CTNNA2: variants seen among roughly 807,000 people sequenced by gnomAD.
The protein encoded by CTNNA2 is catenin alpha-2.
A neutral mutation model predicts 101.0 loss-of-function variants in CTNNA2; 42 were observed. The ratio of observed to expected loss-of-function variants is 0.42; its 90% CI spans 0.32 to 0.54. CTNNA2 has a LOEUF of 0.54. CTNNA2 is among the 20% of genes least tolerant of loss of function. The pLI, the probability that CTNNA2 is intolerant of heterozygous loss-of-function variation, is 0.14. For missense variants in CTNNA2, 871 were observed against 1,223.1 expected, an observed-to-expected ratio of 0.71 and a Z score of 4.29; for synonymous variants, 450 against 456.4, an observed-to-expected ratio of 0.99 and a Z score of 0.18.
At chr2:79,327,152 T>C (rs1676765836) in intron 3 of CTNNA2, among the ~76,000 whole-genome samples, 3 of 152,208 alleles carry the variant, frequency 2.0e-5, no homozygotes, top group Non-Finnish European at 4.4e-5. Flanking sequence ...TCTACTATCT[T>C]TGGTAGCCTG....
At chr2:80,136,307 C>T (rs78598997) in intron 7 of CTNNA2, among the ~76,000 whole-genome samples, 2,141 of 152,240 alleles carry the variant, frequency 0.014, 25 homozygotes, top group Middle Eastern at 0.048. Flanking sequence ...AAGTACTCAA[C>T]CTCTCAGCCT....
rs775867046 is a variant in CTNNA2 at position 79,744,367 on chromosome 2, GT to G, written c.103-17del. On this transcript the variant is annotated intron_variant, in intron 2 of 18. Coordinates refer to ENST00000402739, the MANE Select transcript of CTNNA2 (RefSeq NM_001282597.3). ...GACAGTTTTGCAAAGAAGTTTTACAGTTTCTCTTTTATATTTAAGGTGACTA... is the reference window on the plus strand; with the variant it reads ...GACAGTTTTGCAAAGAAGTTTTACAGTTCTCTTTTATATTTAAGGTGACTA... 1 of 1,575,652 alleles carries G rather than the reference GT, an allele frequency of 6.3e-7. No homozygotes were observed. The highest frequency in any genetic ancestry group is 8.6e-7 in the Non-Finnish European group (1 of 1,165,130).
At chr2:80,286,730 C>G (rs1002922383) in intron 7 of CTNNA2, among the ~76,000 whole-genome samples, 1 of 152,184 alleles carries the variant, frequency 6.6e-6, no homozygotes, top group African/African-American at 2.4e-5. Context: ...CTCACACATT[C>G]CCTGAATTGA....
At position 79,381,938 on chromosome 2, in the gene CTNNA2, G is replaced by A. The variant is rs1252349424; in HGVS notation, c.-135+7925G>A. ...ATGACTGCGTGATTGCTAATTTAAT[G>A]TGTCAACTTGGCTGGGCTAAGGGAT... On this transcript the variant is annotated intron_variant, in intron 4 of 21. Transcript: ENST00000466387. 2.6e-5 allele frequency among the ~76,000 whole-genome samples: 4 copies of A among 152,178 alleles called. 1 individual carries two copies. Among genetic ancestry groups the A allele is most frequent in the Admixed American group, 2.6e-4 (4 of 15,284 alleles).
chr2:79,577,871 G>A (rs953606471), intron 1 of CTNNA2, among the ~76,000 whole-genome samples: 1 of 152,136 alleles, frequency 6.6e-6, no homozygotes, highest in South Asian at 2.1e-4. Flanking sequence ...TGTTTAGGAA[G>A]AAGTTGATTA....
At chr2:79,235,735 G>A (rs534225122) in intron 2 of CTNNA2, among the ~76,000 whole-genome samples, 1 of 152,300 alleles carries the variant, frequency 6.6e-6, no homozygotes, top group South Asian at 2.1e-4. Flanking sequence ...TGCTACAGGG[G>A]TGGGTGGGCT....
chr2:80,144,128 T>C (rs1253650806), intron 7 of CTNNA2, among the ~76,000 whole-genome samples: 1 of 152,184 alleles, frequency 6.6e-6, no homozygotes, highest in Non-Finnish European at 1.5e-5. Flanking sequence ...CAAGTGTTTC[T>C]TACTTATAAA....
At chr2:79,807,594 A>G (rs989705187) in intron 3 of CTNNA2, among the ~76,000 whole-genome samples, 1 of 152,154 alleles carries the variant, frequency 6.6e-6, no homozygotes, top group African/African-American at 2.4e-5. Flanking sequence ...CAGTGTTCAA[A>G]CATTATATTA....
chr2:80,279,562 G>T (rs1674202270), intron 7 of CTNNA2, among the ~76,000 whole-genome samples: 1 of 152,016 alleles, frequency 6.6e-6, no homozygotes, highest in South Asian at 2.1e-4. Flanking sequence ...CGCTTTTAAA[G>T]CTTACTCATT....
chr2:80,494,689 T>TAGATGAAG (rs1490356939), intron 9 of CTNNA2, among the ~76,000 whole-genome samples: 5 of 150,540 alleles, frequency 3.3e-5, no homozygotes, highest in Admixed American at 2.0e-4. Flanking sequence ...GAAGGGACAG[T>TAGATGAAG]TTAGCTCATA....
chr2:80,299,985 C>CTTTT (rs1252886742), intron 7 of CTNNA2, among the ~76,000 whole-genome samples: 1 of 152,162 alleles, frequency 6.6e-6, no homozygotes, highest in Non-Finnish European at 1.5e-5. Flanking sequence ...AAAAGGTATG[C>CTTTT]CGTCTTCTAG....
At chr2:79,421,300 G>C (rs1490051919) in intron 4 of CTNNA2, among the ~76,000 whole-genome samples, 1 of 152,302 alleles carries the variant, frequency 6.6e-6, no homozygotes. Flanking sequence ...AGTGATGAGA[G>C]ATGTGAAATG....
At chr2:80,371,244 A>G (rs1365978000) in intron 7 of CTNNA2, among the ~76,000 whole-genome samples, 1 of 152,172 alleles carries the variant, frequency 6.6e-6, no homozygotes, top group Non-Finnish European at 1.5e-5. Flanking sequence ...CCATCATTAC[A>G]CAGCAAAAGC....
At chr2:79,338,866 A>G (rs1677066934) in intron 3 of CTNNA2, among the ~76,000 whole-genome samples, 2 of 152,104 alleles carry the variant, frequency 1.3e-5, no homozygotes, top group Non-Finnish European at 1.5e-5. Context: ...AGATGATTCC[A>G]TAATCTCTGT....
At chr2:79,402,135 G>A (rs550190500) in intron 4 of CTNNA2, among the ~76,000 whole-genome samples, 85 of 151,742 alleles carry the variant, frequency 5.6e-4, no homozygotes, top group African/African-American at 1.9e-3. Flanking sequence ...TATCCACCTA[G>A]CAAAAGAGTC....
intron 6 of CTNNA2, among the ~76,000 whole-genome samples, chr2:79,889,251 C>T (rs1027945112): frequency 1.4e-4 from 21 of 152,208 alleles, no homozygotes; most frequent in Non-Finnish European, 2.2e-4. Context: ...CCATACTGCT[C>T]AACGTATTTC....
chr2:79,855,249 C>T (rs144967084), intron 3 of CTNNA2, among the ~76,000 whole-genome samples: 5 of 152,238 alleles, frequency 3.3e-5, no homozygotes, highest in Non-Finnish European at 5.9e-5. Context: ...TTCCCTGTCT[C>T]CCTCTCACGG....
At chr2:79,725,682 C>T (rs947012676) in intron 2 of CTNNA2, among the ~76,000 whole-genome samples, 2 of 152,154 alleles carry the variant, frequency 1.3e-5, no homozygotes, top group African/African-American at 4.8e-5. Flanking sequence ...CTTTTTCCAT[C>T]CTTCTTCACA....
At chr2:80,366,207 A>G (rs907233625) in intron 7 of CTNNA2, among the ~76,000 whole-genome samples, 3 of 152,200 alleles carry the variant, frequency 2.0e-5, no homozygotes, top group Non-Finnish European at 4.4e-5. Flanking sequence ...AAGGTCACAA[A>G]GAATATCTTC....
Sources: allele counts gnomAD v4.1 joint callset (sites outside exome capture counted in the v4.1 genomes callset), GRCh38; gene constraint gnomAD v4.1.1; transcripts MANE v1.5; gene names NCBI Gene and HGNC (gene_info 2026-07-23, HGNC 2026-07-21).